The following MRRF variants were observed in gnomAD, a reference collection of about 807,000 sequenced individuals.
The protein encoded by MRRF is mitochondrial ribosome recycling factor, also known as ribosome-recycling factor, mitochondrial.
A neutral mutation model predicts 25.1 loss-of-function variants in MRRF; 18 were observed. The observed-to-expected ratio is 0.72, with a 90% CI of 0.50 to 1.06. The LOEUF (loss-of-function observed/expected upper bound fraction) is 1.06, where lower values mean the gene tolerates loss of function less well. Ranked by LOEUF, MRRF falls within the 50% of genes least tolerant of loss-of-function variation. The pLI is 0.00. For synonymous variants in MRRF, 113 were observed against 112.1 expected, an observed-to-expected ratio of 1.01 and a Z score of -0.05; for missense variants, 323 against 319.3, an observed-to-expected ratio of 1.01 and a Z score of -0.09.
In MRRF at chr9:122,291,803, G is replaced by C. The variant is rs758889364; in HGVS notation, c.514G>C (p.Glu172Gln). The C allele has an allele frequency of 1.5e-5, 25 of 1,614,012 alleles. No individual in the cohort carries two copies. The South Asian group carries it at 2.5e-4, about 16-fold the overall frequency. Reference protein sequence around the residue: ...IRESGMNLNPEVEGTLIRVPI... With the variant: ...IRESGMNLNPQVEGTLIRVPI... The stretch of plus-strand genomic sequence containing the variant: ...AGAAAGTGGAATGAATCTGAACCCA[G>C]AAGTGGAAGGGACGCTAATTCGGGT... Residue 172 changes from glutamate to glutamine, a missense_variant, in exon 5 of 7, where the codon GAA becomes CAA. Coordinates refer to ENST00000344641, the MANE Select transcript of MRRF (RefSeq NM_138777.5).
intron 6 of MRRF, among the ~76,000 whole-genome samples, chr9:122,318,586 G>GC (rs1467859899): frequency 1.3e-5 from 2 of 152,222 alleles, no homozygotes; most frequent in African/African-American, 4.8e-5. Flanking sequence ...AGGCGGGCCT[G>GC]CCCCAGGAGT....
At chr9:122,282,648 T>C (rs892681119) in intron 3 of MRRF, among the ~76,000 whole-genome samples, 1 of 152,200 alleles carries the variant, frequency 6.6e-6, no homozygotes, top group African/African-American at 2.4e-5. Context: ...AACTATCTCA[T>C]AGAGTTAATA....
chr9:122,287,918 GAGT>G (rs1234021963), intron 4 of MRRF, among the ~76,000 whole-genome samples: 1 of 152,158 alleles, frequency 6.6e-6, no homozygotes, highest in African/African-American at 2.4e-5. Flanking sequence ...GCTGACCGTA[GAGT>G]ACCCAGGTTC....
chr9:122,266,595 G>C (rs1832103322), intron 1 of MRRF, among the ~76,000 whole-genome samples: 1 of 152,234 alleles, frequency 6.6e-6, no homozygotes, highest in Non-Finnish European at 1.5e-5. Flanking sequence ...TTATATGCAA[G>C]AGCCTGCGTA....
At chr9:122,306,935 G>A (rs1834884200) in intron 5 of MRRF, among the ~76,000 whole-genome samples, 1 of 152,172 alleles carries the variant, frequency 6.6e-6, no homozygotes, top group Non-Finnish European at 1.5e-5. Context: ...TGTGTCCCCA[G>A]AGAGAACCAA....
At chr9:122,309,817 G>C (rs1432110347) in intron 5 of MRRF, among the ~76,000 whole-genome samples, 1 of 152,194 alleles carries the variant, frequency 6.6e-6, no homozygotes, top group Non-Finnish European at 1.5e-5. Flanking sequence ...ATCCTGAAAA[G>C]AGAAAATTTC....
At chr9:122,315,506 C>T (rs913857572) in intron 6 of MRRF, among the ~76,000 whole-genome samples, 6 of 152,188 alleles carry the variant, frequency 3.9e-5, no homozygotes, top group African/African-American at 4.8e-5. Context: ...TGAATGGTTT[C>T]CTTGGTATGC....
intron 6 of MRRF, among the ~76,000 whole-genome samples, chr9:122,316,100 A>C (rs965599657): frequency 6.6e-6 from 1 of 152,252 alleles, no homozygotes; most frequent in African/African-American, 2.4e-5. Flanking sequence ...ACTTCAAGTT[A>C]TCTCTCGAAA....
At chr9:122,321,882 A>G (rs991977660) in intron 6 of MRRF, among the ~76,000 whole-genome samples, 2 of 152,126 alleles carry the variant, frequency 1.3e-5, no homozygotes, top group African/African-American at 2.4e-5. Flanking sequence ...TAGCTTCTCT[A>G]TATTGTAGAA....
chr9:122,295,255 C>T (rs1417273699), intron 5 of MRRF, among the ~76,000 whole-genome samples: 1 of 152,156 alleles, frequency 6.6e-6, no homozygotes, highest in Non-Finnish European at 1.5e-5. Context: ...TTTCCATCAT[C>T]CCCTTTCACA....
In MRRF at chr9:122,328,804, TAAAC is replaced by T. The variant is rs961186595; in HGVS notation, c.*6191_*6194del. On this transcript the variant is annotated 3_prime_UTR_variant, in exon 7 of 7. Coordinates refer to ENST00000344641, the MANE Select transcript of MRRF (RefSeq NM_138777.5). Reference sequence around the variant, plus strand: ...TAGACGAAGTTCAGTTTTTGTGGAATAAACAAATAAGTGATTATCTCTGTCTGCC... The same window carrying T: ...TAGACGAAGTTCAGTTTTTGTGGAATAAATAAGTGATTATCTCTGTCTGCC... The T allele has an allele frequency of 2.6e-5, 4 of 152,118 alleles. No homozygotes were observed. The highest frequency in any genetic ancestry group is 9.7e-5 in the African/African-American group (4 of 41,418). The allele number at this position is 152,118 out of a possible 1,614,324, so 9.4% of individuals were successfully genotyped here.
intron 5 of MRRF, among the ~76,000 whole-genome samples, chr9:122,302,293 A>G (rs1834522743): frequency 6.6e-6 from 1 of 152,110 alleles, no homozygotes; most frequent in South Asian, 2.1e-4. Flanking sequence ...ATTTTAGGAC[A>G]TTTTCTTCAT....
chr9:122,308,198 C>T (rs970675706), intron 5 of MRRF, among the ~76,000 whole-genome samples: 1 of 152,148 alleles, frequency 6.6e-6, no homozygotes, highest in Non-Finnish European at 1.5e-5. Flanking sequence ...GGCTTCCTCA[C>T]CCAGCCAAGA....
chr9:122,297,676 G>A (rs1834176425), intron 5 of MRRF, among the ~76,000 whole-genome samples: 1 of 152,220 alleles, frequency 6.6e-6, no homozygotes, highest in Admixed American at 6.5e-5. Flanking sequence ...GGAGTGGGAA[G>A]TGGTGGCATG....
At position 122,285,214 on chromosome 9, in the gene MRRF, C is replaced by T. The variant is rs1316480604; in HGVS notation, c.386C>T (p.Ala129Val). 1 of 1,613,906 alleles carries T rather than the reference C, an allele frequency of 6.2e-7. No homozygotes were observed. The highest frequency in any genetic ancestry group is 8.5e-7 in the Non-Finnish European group (1 of 1,179,922). The change falls in exon 4 of 7, where the codon GCT (alanine) becomes GTT (valine). Residue 129 changes from alanine to valine, a missense_variant. Coordinates refer to ENST00000344641, the MANE Select transcript of MRRF (RefSeq NM_138777.5). ...IAVVTADGKL[A>V]LNQISQISMK... ...GTGGTAACTGCTGACGGGAAGCTTG[C>T]TTTAAACCAGATTAGCCAGATCTCC... is the stretch of plus-strand genomic sequence containing the variant.
chr9:122,297,182 G>A (rs1431645620), intron 5 of MRRF, among the ~76,000 whole-genome samples: 4 of 152,046 alleles, frequency 2.6e-5, no homozygotes, highest in South Asian at 4.1e-4. Context: ...GCATGGTGGC[G>A]TGCGCCTGTA....
intron 6 of MRRF, among the ~76,000 whole-genome samples, chr9:122,317,184 G>A (rs1835587142): frequency 6.6e-6 from 1 of 151,692 alleles, no homozygotes; most frequent in African/African-American, 2.4e-5. Flanking sequence ...AAGATTCTTG[G>A]TACATACTAC....
intron 4 of MRRF, among the ~76,000 whole-genome samples, chr9:122,288,029 G>A (rs1215624591): frequency 6.6e-6 from 1 of 152,178 alleles, no homozygotes; most frequent in Non-Finnish European, 1.5e-5. Context: ...GTGTCATGCT[G>A]TAGTGACACG....
intron 2 of MRRF, among the ~76,000 whole-genome samples, chr9:122,273,185 C>T (rs1832567428): frequency 6.6e-6 from 1 of 152,262 alleles, no homozygotes; most frequent in African/African-American, 2.4e-5. Flanking sequence ...GGAGTGGTGG[C>T]CCACGCCTAT....
Sources: gnomAD v4.1 joint callset for allele counts (sites outside exome capture counted in the v4.1 genomes callset) on GRCh38, gnomAD v4.1.1 for gene constraint, MANE v1.5 for transcripts, NCBI Gene and HGNC (gene_info 2026-07-23, HGNC 2026-07-21) for gene names.